Variants in ANKS1B observed in about 807,000 individuals in gnomAD.
ANKS1B encodes ankyrin repeat and sterile alpha motif domain containing 1B, also known as ankyrin repeat and sterile alpha motif domain-containing protein 1B.
ANKS1B carries 36 observed loss-of-function variants against 148.3 expected under a neutral mutation model. That is an observed-to-expected ratio of 0.24 (90% CI 0.19 to 0.32). ANKS1B has a LOEUF of 0.32. ANKS1B is among the 10% of genes least tolerant of loss of function. The probability of loss-of-function intolerance (pLI) is 1.00; values close to 1 mark genes in which losing one functional copy is unlikely to be tolerated. For missense variants in ANKS1B, 1,157 were observed against 1,542.6 expected (o/e 0.75, Z 4.19); for synonymous variants, 542 against 560.8 (o/e 0.97, Z 0.47).
At chr12:99,197,023 C>T (rs2153891646) in intron 14 of ANKS1B, among the ~76,000 whole-genome samples, 1 of 152,210 alleles carries the variant, frequency 6.6e-6, no homozygotes, top group Admixed American at 6.5e-5. Flanking sequence ...CTCCCATTCT[C>T]TGTGTATGAA....
intron 11 of ANKS1B, among the ~76,000 whole-genome samples, chr12:99,407,986 T>C (rs1407137020): frequency 1.4e-5 from 2 of 145,584 alleles, no homozygotes; most frequent in Non-Finnish European, 3.0e-5. Context: ...TTCACAGAAA[T>C]GGAAAAAACA....
At chr12:98,910,424 G>A (rs886261752) in intron 17 of ANKS1B, among the ~76,000 whole-genome samples, 1 of 152,084 alleles carries the variant, frequency 6.6e-6, no homozygotes, top group Non-Finnish European at 1.5e-5. Flanking sequence ...CAAGGGAGGG[G>A]GATATTTAGC....
At chr12:99,742,252 AG>A (rs1043670278) in intron 8 of ANKS1B, among the ~76,000 whole-genome samples, 7 of 152,048 alleles carry the variant, frequency 4.6e-5, no homozygotes, top group African/African-American at 1.4e-4. Context: ...TGAACTTAAA[AG>A]AAAAAAAAAA....
chr12:99,789,786 C>T (rs1054353224), intron 4 of ANKS1B, among the ~76,000 whole-genome samples: 1 of 151,968 alleles, frequency 6.6e-6, no homozygotes, highest in Non-Finnish European at 1.5e-5. Context: ...CCCAAACGCA[C>T]CCAATCTCAT....
chr12:99,702,188 C>T (rs1234276567), intron 8 of ANKS1B, among the ~76,000 whole-genome samples: 2 of 152,276 alleles, frequency 1.3e-5, no homozygotes, highest in South Asian at 2.1e-4. Context: ...TTCTCCACAT[C>T]CTTGCCTGCA....
rs548710245 is a variant in ANKS1B at position 99,611,974 on chromosome 12, C to T, written c.1272+43093G>A. 3.9e-5 allele frequency among the ~76,000 whole-genome samples: 6 copies of T among 152,080 alleles called. No homozygotes were observed. In the South Asian group the frequency reaches 1.3e-3, roughly 32 times the overall value. Reference sequence around the variant, plus strand: ...GTTCTCACGTAAATGTCCTGAATATCTAAACCAATGTATTCAGTGCCCAGA... The same window carrying T: ...GTTCTCACGTAAATGTCCTGAATATTTAAACCAATGTATTCAGTGCCCAGA... On this transcript the variant is annotated intron_variant, in intron 9 of 26. Transcript: ENST00000683438.
At chr12:99,286,478 C>T (rs1019290796) in intron 12 of ANKS1B, among the ~76,000 whole-genome samples, 14 of 151,968 alleles carry the variant, frequency 9.2e-5, no homozygotes, top group Admixed American at 2.6e-4. Flanking sequence ...GAGTGCATTC[C>T]CAGCAGCTGT....
intron 20 of ANKS1B, among the ~76,000 whole-genome samples, chr12:98,806,156 A>G (rs1445254731): frequency 1.3e-5 from 2 of 152,212 alleles, no homozygotes. Context: ...TACAGGCATG[A>G]GACACTCTAC....
intron 17 of ANKS1B, among the ~76,000 whole-genome samples, chr12:99,042,053 A>G (rs2099959397): frequency 6.6e-6 from 1 of 151,986 alleles, no homozygotes; most frequent in Non-Finnish European, 1.5e-5. Flanking sequence ...AAACCCATAA[A>G]ACACCAAAAT....
At chr12:99,194,456 G>C (rs1490698607) in intron 14 of ANKS1B, among the ~76,000 whole-genome samples, 1 of 151,244 alleles carries the variant, frequency 6.6e-6, no homozygotes, top group Non-Finnish European at 1.5e-5. Context: ...TTCATATTTT[G>C]AGTTTTATTT....
rs768421006 is a variant in ANKS1B, at chr12:99,648,638, C to T, written c.1272+6429G>A. ...TCTTTTTATCTTCAGCTGTGTCCTC[C>T]ATCGGATGCAAGTGAAGACCTTTTT... On this transcript the variant is annotated intron_variant, in intron 9 of 26. Coordinates refer to ENST00000683438, the MANE Select transcript of ANKS1B (RefSeq NM_001352186.2). 3.1e-6 allele frequency: 5 copies of T among 1,614,100 alleles called. No individual in the cohort carries two copies. In the African/African-American group the frequency reaches 6.7e-5, roughly 22 times the overall value.
chr12:99,474,993 C>T (rs997932409), intron 10 of ANKS1B, among the ~76,000 whole-genome samples: 12 of 151,776 alleles, frequency 7.9e-5, no homozygotes, highest in Admixed American at 7.9e-4. Flanking sequence ...TCCAAGCACA[C>T]TGGTAGGCCG....
intron 1 of ANKS1B, among the ~76,000 whole-genome samples, chr12:99,855,185 A>T (rs2088791811): frequency 2.0e-5 from 3 of 152,150 alleles, no homozygotes; most frequent in African/African-American, 7.2e-5. Context: ...GACTCACATA[A>T]ACTTAAGGTG....
At chr12:98,851,677 G>A (rs2099526972) in intron 17 of ANKS1B, among the ~76,000 whole-genome samples, 1 of 152,076 alleles carries the variant, frequency 6.6e-6, no homozygotes, top group South Asian at 2.1e-4. Flanking sequence ...AGCATATAGT[G>A]TATACTCGGT....
intron 11 of ANKS1B, among the ~76,000 whole-genome samples, chr12:99,417,510 C>T (rs566674398): frequency 4.6e-5 from 7 of 151,996 alleles, no homozygotes; most frequent in South Asian, 2.1e-4. Flanking sequence ...TCTTCTCTTT[C>T]GATTTTTTTT....
intron 25 of ANKS1B, among the ~76,000 whole-genome samples, chr12:98,765,430 A>T (rs946043051): frequency 1.3e-5 from 2 of 151,102 alleles, no homozygotes; most frequent in Non-Finnish European, 3.0e-5. Context: ...CGCCTGGCTA[A>T]TTTTTGTATT....
At chr12:99,926,075 A>G (rs2094471310) in intron 1 of ANKS1B, among the ~76,000 whole-genome samples, 1 of 152,232 alleles carries the variant, frequency 6.6e-6, no homozygotes, top group African/African-American at 2.4e-5. Context: ...TTCCCATTTT[A>G]TAGAATGATA....
At chr12:99,479,681 C>T (rs1284178538) in intron 10 of ANKS1B, among the ~76,000 whole-genome samples, 2 of 151,746 alleles carry the variant, frequency 1.3e-5, no homozygotes, top group Admixed American at 6.6e-5. Flanking sequence ...AAAAGTCAAA[C>T]TCATATAAGC....
intron 17 of ANKS1B, among the ~76,000 whole-genome samples, chr12:98,877,938 G>C (rs574940814): frequency 6.6e-6 from 1 of 152,238 alleles, no homozygotes; most frequent in South Asian, 2.1e-4. Flanking sequence ...CACGAAGGAT[G>C]TGCAAGACTC....
Sources: allele counts gnomAD v4.1 joint callset (sites outside exome capture counted in the v4.1 genomes callset), GRCh38; gene constraint gnomAD v4.1.1; transcripts MANE v1.5; gene names NCBI Gene and HGNC (gene_info 2026-07-23, HGNC 2026-07-21).